PCGF5: variants seen among roughly 807,000 people sequenced by gnomAD.
PCGF5 encodes the protein polycomb group RING finger protein 5.
In PCGF5, 9 loss-of-function variants were observed where a neutral mutation model predicts 44.3. The observed-to-expected ratio is 0.20, with a 90% confidence interval of 0.12 to 0.35. PCGF5 has a LOEUF of 0.35. PCGF5 is among the 10% of genes least tolerant of loss of function. The pLI is 1.00. For missense variants in PCGF5, 146 were observed against 305.3 expected (o/e 0.48, Z 3.89); for synonymous variants, 95 against 102.5 (o/e 0.93, Z 0.44).
chr10:91,203,685 A>G (rs926988951), intron 1 of PCGF5, among the ~76,000 whole-genome samples: 8 of 152,164 alleles, frequency 5.3e-5, no homozygotes, highest in African/African-American at 1.7e-4. Context: ...TGATAAACCA[A>G]TTACCTATAT....
intron 1 of PCGF5, among the ~76,000 whole-genome samples, chr10:91,176,462 T>G (rs1004970549): frequency 1.4e-4 from 22 of 152,242 alleles, no homozygotes; most frequent in Admixed American, 1.4e-3. Flanking sequence ...TGGCCTGCCT[T>G]GCTAGATTGG....
rs1319722038 is a variant in PCGF5, at chr10:91,279,571, A to C, written c.*1255A>C. The C allele has an allele frequency of 2.0e-5, 3 of 152,158 alleles. No individual in the cohort carries two copies. The highest frequency in any genetic ancestry group is 7.2e-5 in the African/African-American group (3 of 41,466). 9.4% of individuals were successfully genotyped at this position (152,158 alleles called of 1,614,324 possible). ...CCATTCGTTTTAGGATTAGTCTGCA[A>C]GTCAAAGAAAGTCTTGTTACCTTAA... is the stretch of plus-strand genomic sequence containing the variant. On this transcript the variant is annotated 3_prime_UTR_variant, in exon 10 of 10. Transcript: ENST00000336126.
At chr10:91,180,298 CTG>C (rs1843796099) in intron 1 of PCGF5, among the ~76,000 whole-genome samples, 1 of 152,092 alleles carries the variant, frequency 6.6e-6, no homozygotes, top group African/African-American at 2.4e-5. Flanking sequence ...TGTAGGTTGT[CTG>C]TTTATTCTGC....
chr10:91,262,117 A>G (rs541308691), intron 7 of PCGF5, among the ~76,000 whole-genome samples: 2 of 152,300 alleles, frequency 1.3e-5, no homozygotes, highest in South Asian at 2.1e-4. Context: ...GAGTTCTGAT[A>G]GTAGCATCTA....
intron 6 of PCGF5, among the ~76,000 whole-genome samples, chr10:91,257,107 C>A (rs904480546): frequency 6.6e-6 from 1 of 151,894 alleles, no homozygotes; most frequent in Non-Finnish European, 1.5e-5. Flanking sequence ...TCTTATAAAT[C>A]AACAATAAAA....
chr10:91,237,147 C>T (rs1321358812), intron 2 of PCGF5, among the ~76,000 whole-genome samples: 3 of 152,024 alleles, frequency 2.0e-5, no homozygotes, highest in Admixed American at 6.6e-5. Flanking sequence ...CAAATGCTAT[C>T]TAATTAATAG....
intron 2 of PCGF5, among the ~76,000 whole-genome samples, chr10:91,238,443 G>T (rs1170400162): frequency 6.6e-6 from 1 of 152,076 alleles, no homozygotes; most frequent in Non-Finnish European, 1.5e-5. Flanking sequence ...CTTGTTCTGG[G>T]CATGTCACAT....
At chr10:91,216,326 G>A (rs577905924), upstream of PCGF5, among the ~76,000 whole-genome samples, 1 of 152,312 alleles carries the variant, frequency 6.6e-6, no homozygotes, top group South Asian at 2.1e-4. Flanking sequence ...AGCAGAGGTG[G>A]GGAAGGGTGA....
intron 1 of PCGF5, among the ~76,000 whole-genome samples, chr10:91,194,437 C>T (rs1327998379): frequency 6.6e-6 from 1 of 152,120 alleles, no homozygotes; most frequent in Non-Finnish European, 1.5e-5. Flanking sequence ...ATGTGGGTGG[C>T]TGCTAGAAGG....
At chr10:91,273,062 G>A (rs1025880572) in intron 9 of PCGF5, among the ~76,000 whole-genome samples, 5 of 152,252 alleles carry the variant, frequency 3.3e-5, no homozygotes, top group South Asian at 2.1e-4. Flanking sequence ...GGGAATTCTC[G>A]TGCCTTCATT....
chr10:91,221,804 G>A (rs1197775704), intron 1 of PCGF5, among the ~76,000 whole-genome samples: 4 of 151,328 alleles, frequency 2.6e-5, no homozygotes, highest in South Asian at 2.1e-4. Flanking sequence ...TTCTATTGAA[G>A]AGTTTTTGGT....
rs1846456264 is a variant in PCGF5, at chr10:91,281,561, T to G, written c.*3245T>G. ...TCTAAATAGGCTCTTGTAAGTTAAT[T>G]TTTTTGGAAGATTTTCATAAGAATA... On this transcript the variant is annotated 3_prime_UTR_variant, in exon 10 of 10. Coordinates refer to ENST00000336126, the MANE Select transcript of PCGF5 (RefSeq NM_032373.5). The G allele has an allele frequency of 6.6e-6, 1 of 152,600 alleles. No homozygotes were observed. Among genetic ancestry groups the G allele is most frequent in the Admixed American group, 6.5e-5 (1 of 15,282 alleles). The allele number at this position is 152,600 out of a possible 1,614,324, so 9.5% of individuals were successfully genotyped here.
chr10:91,249,377 A>G (rs1285496989), intron 5 of PCGF5, among the ~76,000 whole-genome samples: 1 of 26 alleles, frequency 0.038, no homozygotes, highest in Non-Finnish European at 0.083. Flanking sequence ...TAGTGTATAT[A>G]TATATATATA....
At chr10:91,249,051 T>C (rs1475321665) in intron 5 of PCGF5, among the ~76,000 whole-genome samples, 2 of 152,084 alleles carry the variant, frequency 1.3e-5, no homozygotes, top group Non-Finnish European at 2.9e-5. Context: ...TAGCCACAGC[T>C]TGCAACTAAA....
intron 6 of PCGF5, among the ~76,000 whole-genome samples, chr10:91,260,717 A>G (rs1049685860): frequency 6.6e-6 from 1 of 150,844 alleles, no homozygotes; most frequent in African/African-American, 2.4e-5. Flanking sequence ...AGGACAAAAA[A>G]CCAAACACCG....
At chr10:91,244,621 G>T (rs1017367748) in intron 3 of PCGF5, among the ~76,000 whole-genome samples, 11 of 152,328 alleles carry the variant, frequency 7.2e-5, no homozygotes, top group African/African-American at 2.4e-4. Context: ...AAGGGTAGAA[G>T]CAGGGAGAAC....
At position 91,278,628 on chromosome 10, in the gene PCGF5, G is replaced by A; in HGVS notation, c.*312G>A. 3.2e-6 allele frequency: 1 copy of A among 317,256 alleles called. No homozygotes were observed. Among genetic ancestry groups the A allele is most frequent in the Non-Finnish European group, 5.8e-6 (1 of 172,902 alleles). The allele number at this position is 317,256 out of a possible 1,614,324, so 19.7% of individuals were successfully genotyped here. A position where few individuals can be genotyped will look rare whatever the true frequency, so the allele number is the denominator to read the frequency against. ...TGAATATTTTGCTTGCCTGTTCCAA[G>A]ATTGTTCTAATGTTTAATTACACTA... On this transcript the variant is annotated 3_prime_UTR_variant, in exon 10 of 10. Coordinates refer to ENST00000336126, the MANE Select transcript of PCGF5 (RefSeq NM_032373.5).
intron 1 of PCGF5, among the ~76,000 whole-genome samples, chr10:91,213,237 A>G (rs1323778721): frequency 6.6e-6 from 1 of 152,212 alleles, no homozygotes; most frequent in East Asian, 1.9e-4. Context: ...AAAATGTAAG[A>G]GAGATGAATC....
At chr10:91,226,346 A>G (rs1489911326) in intron 2 of PCGF5, among the ~76,000 whole-genome samples, 1 of 150,964 alleles carries the variant, frequency 6.6e-6, no homozygotes, top group South Asian at 2.1e-4. Flanking sequence ...AGGACAGACT[A>G]TGATATAATA....
Sources: gnomAD v4.1 joint callset for allele counts (sites outside exome capture counted in the v4.1 genomes callset) on GRCh38, gnomAD v4.1.1 for gene constraint, MANE v1.5 for transcripts, NCBI Gene and HGNC (gene_info 2026-07-23, HGNC 2026-07-21) for gene names.